Variants in POU2F2 observed in about 807,000 individuals in gnomAD.
POU2F2 encodes POU domain, class 2, transcription factor 2.
POU2F2 carries 14 observed loss-of-function variants against 63.5 expected under a neutral mutation model. The observed-to-expected ratio is 0.22, with a 90% confidence interval of 0.15 to 0.34. The LOEUF (loss-of-function observed/expected upper bound fraction) is 0.34, where lower values mean the gene tolerates loss of function less well. Ranked by LOEUF, POU2F2 falls within the 10% of genes least tolerant of loss-of-function variation. The pLI is 1.00. For synonymous variants in POU2F2, 306 were observed against 348.6 expected (o/e 0.88, Z 1.36); for missense variants, 607 against 815.2 (o/e 0.74, Z 3.11).
chr19:42,127,718 CCCCAGCT>C (rs1352640506), intron 1 of POU2F2, among the ~76,000 whole-genome samples: 1 of 152,030 alleles, frequency 6.6e-6, no homozygotes, highest in African/African-American at 2.4e-5. Context: ...ACCTTGATGC[CCCCAGCT>C]CCCAGCCAGG....
chr19:42,136,649 G>A (rs1479846472), upstream of POU2F2: 1 of 152,214 alleles, frequency 6.6e-6, no homozygotes, highest in African/African-American at 2.4e-5. Context: ...CAGGATTTAA[G>A]CCCAGGTCTG....
At chr19:42,159,686 A>G (rs2034519311) in intron 2 of POU2F2, among the ~76,000 whole-genome samples, 1 of 152,214 alleles carries the variant, frequency 6.6e-6, no homozygotes, top group Non-Finnish European at 1.5e-5. Context: ...AGTGGGCTTC[A>G]GGGAGGGGCT....
chr19:42,099,728 G>C lies in POU2F2; in HGVS notation c.463C>G (p.Gln155Glu). The C allele has an allele frequency of 6.3e-7, 1 of 1,593,980 alleles. No homozygotes were observed. The highest frequency in any genetic ancestry group is 8.6e-7 in the Non-Finnish European group (1 of 1,169,328). The change falls in exon 6 of 15, where the codon CAG becomes GAG. Residue 155 changes from glutamine to glutamate, a missense_variant. By Grantham distance (29) the Gln-to-Glu change is conservative (BLOSUM62 2). Transcript: ENST00000692977. ...GTGGGGGCCTTACCTGGCTGGCTCT[G>C]CTGGGCCTGCGGTAGCAGGAACTGA... ...PAQFLLPQAQ[Q>E]SQPGLLPTPN...
In POU2F2 at chr19:42,117,504, T is replaced by C. The variant is rs1234204255; in HGVS notation, c.187-72A>G. The C allele has an allele frequency of 2.9e-6, 2 of 691,066 alleles. No homozygotes were observed. Among genetic ancestry groups the C allele is most frequent in the African/African-American group, 3.8e-5 (2 of 53,062 alleles). The allele number at this position is 691,066 out of a possible 1,614,324, so 42.8% of individuals were successfully genotyped here. ...GGCACAGGAGGAGCAGACTGGGGTG[T>C]GGACATGAGGGTGCAGTCTGTGGTC... is the stretch of plus-strand genomic sequence containing the variant. On this transcript the variant is annotated intron_variant, in intron 4 of 14. Transcript: ENST00000692977. The surrounding 1 kb of genome is among the most constrained non-coding windows in gnomAD (Gnocchi z 4.4).
intron 1 of POU2F2, among the ~76,000 whole-genome samples, chr19:42,166,979 A>G (rs2034664889): frequency 6.6e-6 from 1 of 152,184 alleles, no homozygotes; most frequent in Admixed American, 6.5e-5. Flanking sequence ...ATTTGACAAA[A>G]CATTCAATGA....
chr19:42,093,680 C>T lies in POU2F2; in HGVS notation c.1264+149G>A, dbSNP rs986386347. 1.1e-5 allele frequency: 8 copies of T among 729,606 alleles called. No homozygotes were observed. In the African/African-American group the frequency reaches 1.2e-4, roughly 11 times the overall value. The allele number at this position is 729,606 out of a possible 1,614,324, so 45.2% of individuals were successfully genotyped here. A position where few individuals can be genotyped will look rare whatever the true frequency, so the allele number is the denominator to read the frequency against. On this transcript the variant is annotated intron_variant, in intron 12 of 14. Coordinates refer to ENST00000692977, the MANE Select transcript of POU2F2 (RefSeq NM_001394376.1). The stretch of plus-strand genomic sequence containing the variant: ...CTGCAGAGGAGGGGTGAGTCCTACC[C>T]TCTTCCCACTGTCTCTCCCATTCCC...
At chr19:42,097,360 G>A (rs1388987345) in intron 7 of POU2F2, among the ~76,000 whole-genome samples, 1 of 151,966 alleles carries the variant, frequency 6.6e-6, no homozygotes, top group Non-Finnish European at 1.5e-5. Flanking sequence ...ACCACACCCG[G>A]CTAATTTTGT....
chr19:42,094,330 C>A (rs1473180628), intron 11 of POU2F2, among the ~76,000 whole-genome samples: 4 of 152,190 alleles, frequency 2.6e-5, no homozygotes, highest in Admixed American at 6.5e-5. Context: ...AGGGAAAGAG[C>A]AGATCTAAAG....
chr19:42,134,924 G>GC (rs949259225), upstream of POU2F2, among the ~76,000 whole-genome samples: 2 of 152,076 alleles, frequency 1.3e-5, no homozygotes, highest in African/African-American at 4.8e-5. Flanking sequence ...TCCCCCGGGG[G>GC]CCCGGCGGGG....
chr19:42,118,998 A>G (rs2146590317), intron 4 of POU2F2, among the ~76,000 whole-genome samples: 1 of 152,202 alleles, frequency 6.6e-6, no homozygotes, highest in Non-Finnish European at 1.5e-5. Context: ...AAAGTTTAAG[A>G]GCTACAGAGG....
chr19:42,118,691 C>G (rs1230510136), intron 4 of POU2F2, among the ~76,000 whole-genome samples: 2 of 152,248 alleles, frequency 1.3e-5, no homozygotes, highest in East Asian at 1.9e-4. Context: ...CAGACAACAG[C>G]AGTTGTTGGC....
At chr19:42,172,080 G>A (rs2034781573) in intron 1 of POU2F2, among the ~76,000 whole-genome samples, 2 of 152,134 alleles carry the variant, frequency 1.3e-5, no homozygotes, top group Admixed American at 6.5e-5. Flanking sequence ...TCTACTCTTA[G>A]ACTACACCTC....
Position 42,147,968 on chromosome 19 carries a change from C to T in POU2F2, c.-9+12364G>A, listed in dbSNP as rs550959972. ...GGCTCAGACAGGAGAAGCCCCCTTCCCAGGGTGTCATGGTGAGTCCATGGA... is the reference window on the plus strand; with the variant it reads ...GGCTCAGACAGGAGAAGCCCCCTTCTCAGGGTGTCATGGTGAGTCCATGGA... On this transcript the variant is annotated intron_variant, in intron 2 of 6. Coordinates refer to the POU2F2 transcript ENST00000524801. Among the ~76,000 whole-genome samples, 3 of 152,248 alleles carry T rather than the reference C, an allele frequency of 2.0e-5. No homozygotes were observed. In the South Asian group the frequency reaches 6.2e-4, roughly 32 times the overall value.
At chr19:42,103,621 T>G (rs2146411269) in intron 5 of POU2F2, among the ~76,000 whole-genome samples, 1 of 149,636 alleles carries the variant, frequency 6.7e-6, no homozygotes, top group Non-Finnish European at 1.5e-5. Context: ...CAGAAGGGGC[T>G]CGTTTCTTTT....
chr19:42,093,779 C>T, intron 12 of POU2F2, 50 bp downstream of exon 12: 1 of 1,561,704 alleles, frequency 6.4e-7, no homozygotes, highest in Admixed American at 1.7e-5. Flanking sequence ...AGGCTCCAGC[C>T]TGTGCCACAT....
chr19:42,101,141 C>G (rs896523774), intron 5 of POU2F2, among the ~76,000 whole-genome samples: 2 of 152,076 alleles, frequency 1.3e-5, no homozygotes, highest in South Asian at 2.1e-4. Context: ...AAAAAACACT[C>G]CCAAGGCAAA....
intron 5 of POU2F2, among the ~76,000 whole-genome samples, chr19:42,100,828 G>A (rs540680411): frequency 3.9e-5 from 6 of 152,124 alleles, no homozygotes; most frequent in African/African-American, 9.6e-5. Flanking sequence ...GGCTGGGCAC[G>A]GTGGCTCACA....
intron 7 of POU2F2, among the ~76,000 whole-genome samples, chr19:42,097,412 G>A (rs2076963663): frequency 6.6e-6 from 1 of 151,570 alleles, no homozygotes; most frequent in Non-Finnish European, 1.5e-5. Flanking sequence ...GGTCAGGCTG[G>A]TCTCGAACTC....
At position 42,088,026 on chromosome 19, in the gene POU2F2, C is replaced by G. The variant is rs1048209360; in HGVS notation, c.*3231G>C. ...CCCAACCCTGGCTCCCTCCAGCCCC[C>G]CAGCCCCTTGCCCTGGCTGGCCCCC... On this transcript the variant is annotated 3_prime_UTR_variant, in exon 15 of 15. Coordinates refer to ENST00000692977, the MANE Select transcript of POU2F2 (RefSeq NM_001394376.1). The G allele has an allele frequency of 6.6e-6, 1 of 152,276 alleles. No homozygotes were observed. Among genetic ancestry groups the G allele is most frequent in the Non-Finnish European group, 1.5e-5 (1 of 68,102 alleles). The allele number at this position is 152,276 out of a possible 1,614,324, so 9.4% of individuals were successfully genotyped here. A position where few individuals can be genotyped will look rare whatever the true frequency, so the allele number is the denominator to read the frequency against.
Sources: gnomAD v4.1 joint callset for allele counts (sites outside exome capture counted in the v4.1 genomes callset) on GRCh38, gnomAD v4.1.1 for gene constraint, Gnocchi (gnomAD v3.1) non-coding constraint, MANE v1.5 for transcripts, NCBI Gene and HGNC (gene_info 2026-07-23, HGNC 2026-07-21) for gene names.